The following RBMS3 variants were observed in gnomAD, a reference collection of about 807,000 sequenced individuals.
RBMS3 encodes the protein RNA binding motif single stranded interacting protein 3, also known as RNA-binding motif, single-stranded-interacting protein 3.
Under a neutral mutation model 66.8 loss-of-function variants are expected in RBMS3, and 27 were observed. That is an observed-to-expected ratio of 0.40 (90% CI 0.30 to 0.56). RBMS3 has a LOEUF of 0.56. RBMS3 is among the 20% of genes least tolerant of loss of function. The probability of loss-of-function intolerance (pLI) is 0.40; values close to 1 mark genes in which losing one functional copy is unlikely to be tolerated. For synonymous variants in RBMS3, 188 were observed against 183.0 expected, an observed-to-expected ratio of 1.03 and a Z score of -0.22; for missense variants, 513 against 549.5, an observed-to-expected ratio of 0.93 and a Z score of 0.66.
intron 2 of RBMS3, among the ~76,000 whole-genome samples, chr3:29,461,208 G>A (rs932746715): frequency 1.3e-5 from 2 of 152,028 alleles, no homozygotes; most frequent in African/African-American, 4.8e-5. Context: ...GGCTGCTTTT[G>A]GGAACACCTT....
At chr3:29,973,862 G>A (rs1024402737) in intron 12 of RBMS3, among the ~76,000 whole-genome samples, 1 of 151,836 alleles carries the variant, frequency 6.6e-6, no homozygotes, top group Non-Finnish European at 1.5e-5. Flanking sequence ...TGCTAAGCCT[G>A]CTTTTCTGTT....
At chr3:29,697,008 T>A in intron 4 of RBMS3, 2 of 985,186 alleles carry the variant, frequency 2.0e-6, no homozygotes, top group Non-Finnish European at 2.4e-6. Context: ...TCTAACTTGC[T>A]ACAAAGGAGG....
rs1373568426 is a variant in RBMS3 at position 29,290,371 on chromosome 3, G to T, written c.75+8615G>T. 2.0e-5 allele frequency among the ~76,000 whole-genome samples: 3 copies of T among 151,654 alleles called. No homozygotes were observed. The Admixed American group carries it at 2.0e-4, about 10-fold the overall frequency. On this transcript the variant is annotated intron_variant, in intron 1 of 14. Transcript: ENST00000383767. ...TGTAAAATTTCAGATTGTTTTCCGG[G>T]ATACTCAACAGATAAATATGTGACA... is the stretch of plus-strand genomic sequence containing the variant.
chr3:29,742,119 G>A (rs540766460), intron 5 of RBMS3, among the ~76,000 whole-genome samples: 2 of 152,158 alleles, frequency 1.3e-5, no homozygotes, highest in South Asian at 2.1e-4. Flanking sequence ...CTTAAAATGA[G>A]GCATATTTTT....
chr3:29,519,046 A>G (rs895931773), intron 3 of RBMS3, among the ~76,000 whole-genome samples: 3 of 152,212 alleles, frequency 2.0e-5, no homozygotes, highest in Non-Finnish European at 4.4e-5. Context: ...GTGTTCCAAA[A>G]GAAAAAGTAA....
chr3:29,679,057 G>A (rs754069832), intron 4 of RBMS3, among the ~76,000 whole-genome samples: 1 of 152,004 alleles, frequency 6.6e-6, no homozygotes, highest in Admixed American at 6.6e-5. Flanking sequence ...TAGAATCACA[G>A]CTTCAGAATC....
At position 29,796,712 on chromosome 3, in the gene RBMS3, C is replaced by CTTTTTTTTTTTTTTTTTTTTTT. The variant is rs71295051; in HGVS notation, c.637+33740_637+33741insTTTTTTTTTTTTTTTTTTTTTT. ...TGAGAAGTAATATTTTGAAAGGAAT[C>CTTTTTTTTTTTTTTTTTTTTTT]TTTTTTTTTTTTTTTTTGGAGATGG... On this transcript the variant is annotated intron_variant, in intron 6 of 14. Coordinates refer to ENST00000383767, the MANE Select transcript of RBMS3 (RefSeq NM_001003793.3). Among the ~76,000 whole-genome samples the CTTTTTTTTTTTTTTTTTTTTTT allele has an allele frequency of 4.3e-4, 50 of 115,270 alleles. 3 individuals are homozygous for CTTTTTTTTTTTTTTTTTTTTTT. The highest frequency in any genetic ancestry group is 1.7e-3 in the African/African-American group (45 of 27,138). The allele number at this position is 115,270 out of a possible 152,430, so 75.6% of individuals were successfully genotyped here.
chr3:29,496,289 C>T (rs1482631312), intron 3 of RBMS3, among the ~76,000 whole-genome samples: 1 of 151,280 alleles, frequency 6.6e-6, no homozygotes, highest in African/African-American at 2.4e-5. Context: ...GTAATATTTC[C>T]CTAGCCTTTT....
intron 6 of RBMS3, among the ~76,000 whole-genome samples, chr3:29,829,769 G>T (rs1328217232): frequency 6.6e-6 from 1 of 152,088 alleles, no homozygotes. Flanking sequence ...TCAGAATGCA[G>T]GTATGACAAT....
intron 4 of RBMS3, among the ~76,000 whole-genome samples, chr3:29,603,194 C>G (rs184880834): frequency 4.6e-5 from 7 of 151,942 alleles, no homozygotes; most frequent in African/African-American, 1.4e-4. Flanking sequence ...AATGAAATAA[C>G]TCCATGTGGT....
chr3:29,996,824 T>C lies in RBMS3; in HGVS notation c.1307+5615T>C, dbSNP rs1398834222. 3.2e-4 allele frequency among the ~76,000 whole-genome samples: 49 copies of C among 152,060 alleles called. No homozygotes were observed. The East Asian group carries it at 8.2e-3, about 25-fold the overall frequency. On this transcript the variant is annotated intron_variant, in intron 14 of 14. Transcript: ENST00000383767. ...CCCACAAGAGAAAGCAGGAAAGATC[T>C]AAAATTGACACCCTAATATCACAAT...
rs555759846 is a variant in RBMS3 at position 29,772,487 on chromosome 3, T to C, written c.637+9498T>C. On this transcript the variant is annotated intron_variant, in intron 6 of 14. Coordinates refer to ENST00000383767, the MANE Select transcript of RBMS3 (RefSeq NM_001003793.3). ...ATTGAAGAAAAATCATATTCAGTGA[T>C]GCTTGTTAAAGCACAGTAAGAGTTT... Among the ~76,000 whole-genome samples, 5 of 152,184 alleles carry C rather than the reference T, an allele frequency of 3.3e-5. No individual in the cohort carries two copies. The South Asian group carries it at 8.3e-4, about 25-fold the overall frequency.
chr3:29,640,330 A>C (rs894596856), intron 4 of RBMS3, among the ~76,000 whole-genome samples: 11 of 151,652 alleles, frequency 7.3e-5, no homozygotes, highest in Admixed American at 1.3e-4. Context: ...AAAGGTAGAA[A>C]GTTTATCTCT....
At chr3:29,564,821 C>G (rs1275883844) in intron 3 of RBMS3, among the ~76,000 whole-genome samples, 1 of 151,926 alleles carries the variant, frequency 6.6e-6, no homozygotes, top group African/African-American at 2.4e-5. Flanking sequence ...TTAGGCAGGT[C>G]AGTTTCTTTA....
chr3:29,330,982 T>C (rs981454086), intron 1 of RBMS3, among the ~76,000 whole-genome samples: 18 of 152,158 alleles, frequency 1.2e-4, no homozygotes, highest in African/African-American at 4.1e-4. Flanking sequence ...TAATTGTATT[T>C]TTATATTAAT....
At chr3:29,489,497 A>G (rs551782189) in intron 3 of RBMS3, among the ~76,000 whole-genome samples, 52 of 151,968 alleles carry the variant, frequency 3.4e-4, no homozygotes, top group Non-Finnish European at 5.9e-4. Flanking sequence ...AAAAGACACC[A>G]AGAAAACCAA....
intron 3 of RBMS3, among the ~76,000 whole-genome samples, chr3:29,499,281 T>G (rs1015124652): frequency 6.6e-6 from 1 of 152,208 alleles, no homozygotes; most frequent in Admixed American, 6.5e-5. Context: ...TTCTTATTAT[T>G]AGTTAATCAT....
At chr3:29,325,586 GTATA>G (rs1269452898) in intron 1 of RBMS3, among the ~76,000 whole-genome samples, 5 of 147,400 alleles carry the variant, frequency 3.4e-5, no homozygotes, top group East Asian at 4.0e-4. Flanking sequence ...ATGTGTGTAT[GTATA>G]TATATACGTG....
At chr3:29,291,097 C>T (rs1429941346) in intron 1 of RBMS3, among the ~76,000 whole-genome samples, 1 of 151,810 alleles carries the variant, frequency 6.6e-6, no homozygotes, top group African/African-American at 2.4e-5. Context: ...TATTAGAAGA[C>T]TAAGTGGAAC....
Sources: allele counts gnomAD v4.1 joint callset (sites outside exome capture counted in the v4.1 genomes callset), GRCh38; gene constraint gnomAD v4.1.1; transcripts MANE v1.5; gene names NCBI Gene and HGNC (gene_info 2026-07-23, HGNC 2026-07-21).